The following ABI1 variants were observed in gnomAD, a reference collection of about 807,000 sequenced individuals.
ABI1 encodes Abelson interactor 1.
ABI1 carries 14 observed loss-of-function variants against 54.6 expected under a neutral mutation model. That is an observed-to-expected ratio of 0.26 (90% CI 0.17 to 0.40). The LOEUF is 0.40. ABI1 is among the 10% of genes least tolerant of loss of function. The pLI, the probability that ABI1 is intolerant of heterozygous loss-of-function variation, is 1.00. For synonymous variants in ABI1, 194 were observed against 209.3 expected (o/e 0.93, Z 0.63); for missense variants, 443 against 598.3 (o/e 0.74, Z 2.71).
At chr10:26,765,387 C>T in intron 6 of ABI1, 69 bp from the exon 7 acceptor site, 1 of 1,109,484 alleles carries the variant, frequency 9.0e-7, no homozygotes, top group East Asian at 2.6e-5. Flanking sequence ...CTGTAATCAC[C>T]CAAGGCCACT....
At position 26,839,508 on chromosome 10, in the gene ABI1, A is replaced by G. The variant is rs2049327798; in HGVS notation, c.118-16203T>C. Among the ~76,000 whole-genome samples, 4 of 152,180 alleles carry G rather than the reference A, an allele frequency of 2.6e-5. No individual in the cohort carries two copies. The East Asian group carries it at 7.7e-4, about 29-fold the overall frequency. ...AGGACCCTGTCTCAAAAACAAAAATAAGGGGAAAAAAAGGTAACTTTACTA... is the reference window on the plus strand; with the variant it reads ...AGGACCCTGTCTCAAAAACAAAAATGAGGGGAAAAAAAGGTAACTTTACTA... On this transcript the variant is annotated intron_variant, in intron 1 of 10. Coordinates refer to ENST00000376140, the MANE Select transcript of ABI1 (RefSeq NM_001012750.3).
chr10:26,823,202 T>C lies in ABI1; in HGVS notation c.221A>G (p.Gln74Arg). 6.2e-7 allele frequency: 1 copy of C among 1,605,978 alleles called. No homozygotes were observed. The highest frequency in any genetic ancestry group is 2.2e-5 in the East Asian group (1 of 44,460). Reference sequence around the variant, plus strand: ...CTGAGAGGCTTGGATATCCAGCAACTGGAGTACATTGTTGGCCAATGCATT... The same window carrying C: ...CTGAGAGGCTTGGATATCCAGCAACCGGAGTACATTGTTGGCCAATGCATT... ...QINALANNVL[Q>R]LLDIQASQLR... is the part of the protein sequence containing the mutation. Residue 74 changes from glutamine to arginine, a missense_variant, in exon 2 of 11, where the codon CAG (glutamine) becomes CGG (arginine). Coordinates refer to ENST00000376140, the MANE Select transcript of ABI1 (RefSeq NM_001012750.3).
At position 26,839,664 on chromosome 10, in the gene ABI1, A is replaced by ATGAT. The variant is rs201513592; in HGVS notation, c.118-16360_118-16359insATCA. ...AGTACTTCTGTTTAAAAAAAAAAAA[A>ATGAT]AACATGCCAGGCTTGGTGGCTCACA... On this transcript the variant is annotated intron_variant, in intron 1 of 10. Transcript: ENST00000376140. 3 of 637,044 alleles carry ATGAT rather than the reference A, an allele frequency of 4.7e-6. No individual in the cohort carries two copies. The African/African-American group carries it at 5.7e-5, about 12-fold the overall frequency. The allele number at this position is 637,044 out of a possible 1,614,324, so 39.5% of individuals were successfully genotyped here. A position where few individuals can be genotyped will look rare whatever the true frequency, so the allele number is the denominator to read the frequency against.
At position 26,787,126 on chromosome 10, in the gene ABI1, A is replaced by G. The variant is rs1029084044; in HGVS notation, c.286-9885T>C. The stretch of plus-strand genomic sequence containing the variant: ...CCTACTCAATCTACTATCATCTCTC[A>G]CCTTGGCTATTGCAACAGTCTTCTA... On this transcript the variant is annotated intron_variant, in intron 2 of 10. Coordinates refer to ENST00000376140, the MANE Select transcript of ABI1 (RefSeq NM_001012750.3). 2.0e-5 allele frequency among the ~76,000 whole-genome samples: 3 copies of G among 151,968 alleles called. No homozygotes were observed. In the East Asian group the frequency reaches 5.8e-4, roughly 29 times the overall value.
chr10:26,823,484 G>A (rs1028871601), intron 1 of ABI1, among the ~76,000 whole-genome samples, 179 bp from the exon 2 acceptor site: 9 of 152,034 alleles, frequency 5.9e-5, no homozygotes, highest in African/African-American at 1.9e-4. Context: ...ATCCCTATGT[G>A]CCAGCTGGGA....
intron 2 of ABI1, among the ~76,000 whole-genome samples, chr10:26,813,035 G>C (rs766798753): frequency 7.2e-5 from 11 of 152,080 alleles, no homozygotes; most frequent in Non-Finnish European, 1.5e-5. Context: ...GATCACTTGA[G>C]GTCAGGAGTT....
chr10:26,760,719 G>A (rs1022998358), intron 7 of ABI1, among the ~76,000 whole-genome samples: 4 of 151,682 alleles, frequency 2.6e-5, no homozygotes, highest in Non-Finnish European at 5.9e-5. Context: ...GCGAAAACCC[G>A]TGTCTACTAA....
chr10:26,791,300 A>G lies in ABI1; in HGVS notation c.286-14059T>C, dbSNP rs576688737. Among the ~76,000 whole-genome samples the G allele has an allele frequency of 4.2e-4, 64 of 152,238 alleles. No individual in the cohort carries two copies. The South Asian group carries it at 0.01, about 25-fold the overall frequency. On this transcript the variant is annotated intron_variant, in intron 2 of 10. Coordinates refer to ENST00000376140, the MANE Select transcript of ABI1 (RefSeq NM_001012750.3). ...AATTATATTTTACTTCAAGTTATAA[A>G]TAAGAAATAAGGAAACAGTGAGATA...
chr10:26,828,650 T>G (rs887290709), intron 1 of ABI1, among the ~76,000 whole-genome samples: 2 of 152,204 alleles, frequency 1.3e-5, no homozygotes, highest in Non-Finnish European at 2.9e-5. Context: ...ACTCTACAAG[T>G]GGCTTCAAAG....
chr10:26,771,493 C>T (rs1376044170), intron 3 of ABI1, among the ~76,000 whole-genome samples: 1 of 152,150 alleles, frequency 6.6e-6, no homozygotes, highest in Non-Finnish European at 1.5e-5. Context: ...TAACACTTTA[C>T]TGGATAATGA....
intron 2 of ABI1, among the ~76,000 whole-genome samples, chr10:26,784,950 A>G (rs1016601257): frequency 6.6e-6 from 1 of 152,212 alleles, no homozygotes; most frequent in African/African-American, 2.4e-5. Context: ...ACAGAAACAA[A>G]GAGAAAGCCA....
At chr10:26,820,813 C>T (rs933803625) in intron 2 of ABI1, among the ~76,000 whole-genome samples, 1 of 151,342 alleles carries the variant, frequency 6.6e-6, no homozygotes, top group Non-Finnish European at 1.5e-5. Context: ...GTCTTGAACT[C>T]CTGACCTCAT....
At chr10:26,820,681 A>G (rs1291986239) in intron 2 of ABI1, among the ~76,000 whole-genome samples, 8 of 147,838 alleles carry the variant, frequency 5.4e-5, no homozygotes, top group Non-Finnish European at 1.2e-4. Context: ...TCCGCCTCCC[A>G]GGTTGAAGTA....
At chr10:26,786,932 C>T (rs1427104860) in intron 2 of ABI1, among the ~76,000 whole-genome samples, 2 of 152,194 alleles carry the variant, frequency 1.3e-5, no homozygotes, top group Non-Finnish European at 2.9e-5. Flanking sequence ...TTAAAGTGAA[C>T]GTGTTCAAAA....
At chr10:26,810,266 A>C (rs1035780595) in intron 2 of ABI1, among the ~76,000 whole-genome samples, 1 of 152,050 alleles carries the variant, frequency 6.6e-6, no homozygotes, top group African/African-American at 2.4e-5. Flanking sequence ...ACGCAAGCTA[A>C]CCCTATATGC....
intron 3 of ABI1, among the ~76,000 whole-genome samples, chr10:26,775,504 C>G (rs1419418689): frequency 6.6e-6 from 1 of 151,956 alleles, no homozygotes; most frequent in Non-Finnish European, 1.5e-5. Context: ...ACCAAGCCCC[C>G]CAACCCTGTG....
At chr10:26,848,244 GTAAA>G (rs985434967) in intron 1 of ABI1, among the ~76,000 whole-genome samples, 1 of 146,010 alleles carries the variant, frequency 6.8e-6, no homozygotes, top group African/African-American at 2.5e-5. Context: ...AGAAGAAGAT[GTAAA>G]TATATTAGTA....
chr10:26,768,168 C>T (rs1564471837), intron 6 of ABI1, among the ~76,000 whole-genome samples: 2 of 152,006 alleles, frequency 1.3e-5, no homozygotes, highest in African/African-American at 2.4e-5. Context: ...GTTTAAATCA[C>T]GTTGTATAAT....
intron 7 of ABI1, among the ~76,000 whole-genome samples, chr10:26,760,478 T>C (rs1191014133): frequency 2.0e-5 from 3 of 152,354 alleles, no homozygotes; most frequent in Admixed American, 6.5e-5. Context: ...TCACCAATTA[T>C]TTGAATCATC....
Sources: allele counts gnomAD v4.1 joint callset (sites outside exome capture counted in the v4.1 genomes callset), GRCh38; gene constraint gnomAD v4.1.1; transcripts MANE v1.5; gene names NCBI Gene and HGNC (gene_info 2026-07-23, HGNC 2026-07-21).